The following BID variants were observed in gnomAD, a reference collection of about 807,000 sequenced individuals.
BID encodes BH3-interacting domain death agonist.
A neutral mutation model predicts 17.4 loss-of-function variants in BID; 19 were observed. The observed-to-expected ratio is 1.09, with a 90% CI of 0.76 to 1.60. BID has a LOEUF of 1.60. Among genes scored for constraint, BID ranks in the 40% most tolerant of loss-of-function variants. The pLI, the probability that BID is intolerant of heterozygous loss-of-function variation, is 0.00. For missense variants in BID, 226 were observed against 256.0 expected (o/e 0.88, Z 0.80); for synonymous variants, 108 against 102.8 (o/e 1.05, Z -0.31).
In BID at chr22:17,745,890, C is replaced by T. The variant is rs530049473; in HGVS notation, c.13-1877G>A. On this transcript the variant is annotated intron_variant, in intron 2 of 5. Coordinates refer to ENST00000622694, the MANE Select transcript of BID (RefSeq NM_001196.4). The stretch of plus-strand genomic sequence containing the variant: ...CTGAGGCAGGAGAATCGCTTGAACC[C>T]GGGAGGTGGAGGTTGCAATGAGCCG... Among the ~76,000 whole-genome samples the T allele has an allele frequency of 1.0e-3, 155 of 152,042 alleles. 1 individual carries two copies. The highest frequency in any genetic ancestry group is 3.4e-3 in the African/African-American group (142 of 41,456).
intron 1 of BID, among the ~76,000 whole-genome samples, chr22:17,763,463 C>G (rs1373708059): frequency 6.6e-6 from 1 of 152,136 alleles, no homozygotes; most frequent in Non-Finnish European, 1.5e-5. Flanking sequence ...AAGCTGGTCT[C>G]GAACTTCTGA....
At chr22:17,760,442 ACT>A (rs1391002724) in intron 1 of BID, among the ~76,000 whole-genome samples, 2 of 125,672 alleles carry the variant, frequency 1.6e-5, no homozygotes, top group African/African-American at 3.3e-5. Flanking sequence ...ACAGAGCAAG[ACT>A]CTGTCTCAAA....
chr22:17,740,250 T>C lies in BID; in HGVS notation c.224-762A>G, dbSNP rs911320212. ...TGTCCACTGACAAATACCCAGCACT[T>C]AATACATGGCACTCAGTAGGTGCTC... On this transcript the variant is annotated intron_variant, in intron 3 of 5. Coordinates refer to ENST00000622694, the MANE Select transcript of BID (RefSeq NM_001196.4). 9 of 1,342,400 alleles carry C rather than the reference T, an allele frequency of 6.7e-6. No homozygotes were observed. In the Admixed American group the frequency reaches 1.7e-4, roughly 26 times the overall value. The allele number at this position is 1,342,400 out of a possible 1,614,324, so 83.2% of individuals were successfully genotyped here.
rs1211762985 is a variant in BID, at chr22:17,734,794, C to T, written c.*786G>A. 1 of 152,198 alleles carries T rather than the reference C, an allele frequency of 6.6e-6. No homozygotes were observed. Among genetic ancestry groups the T allele is most frequent in the Non-Finnish European group, 1.5e-5 (1 of 68,042 alleles). The allele number at this position is 152,198 out of a possible 1,614,324, so 9.4% of individuals were successfully genotyped here. A position where few individuals can be genotyped will look rare whatever the true frequency, so the allele number is the denominator to read the frequency against. On this transcript the variant is annotated 3_prime_UTR_variant, in exon 6 of 6. Transcript: ENST00000622694. ...GGCACCCGTGGCTTCATGTCTTTAG[C>T]AAAGTCTTGATGTCATGGAAAGAGA...
At chr22:17,756,451 CTTTCTTTCTTTCTTTCTTTCTTTCT>C (rs1569047723) in intron 1 of BID, among the ~76,000 whole-genome samples, 18 of 123,388 alleles carry the variant, frequency 1.5e-4, no homozygotes, top group African/African-American at 6.4e-4. Flanking sequence ...TTCTTTCTTT[CTTTCTTTCTTTCTTTCTTTCTTTCT>C]TTTCTTTCTT....
chr22:17,748,750 G>A (rs979098109), intron 2 of BID, among the ~76,000 whole-genome samples: 1 of 152,190 alleles, frequency 6.6e-6, no homozygotes, highest in Admixed American at 6.5e-5. Context: ...CGGGAGGGCA[G>A]GCGCCTCCTC....
At chr22:17,736,351 G>C (rs919065741) in intron 5 of BID, among the ~76,000 whole-genome samples, 1 of 151,930 alleles carries the variant, frequency 6.6e-6, no homozygotes, top group Non-Finnish European at 1.5e-5. Context: ...CAGCTTCTTG[G>C]GGGGCTGAGG....
chr22:17,766,723 G>C (rs1402734492), intron 1 of BID, among the ~76,000 whole-genome samples: 1 of 151,910 alleles, frequency 6.6e-6, no homozygotes, highest in Non-Finnish European at 1.5e-5. Context: ...CCAAGTAGTT[G>C]GGAGTATAGG....
At position 17,773,682 on chromosome 22, in the gene BID, C is replaced by G. The variant is rs1569057089; in HGVS notation, c.-59+699G>C. On this transcript the variant is annotated intron_variant, in intron 1 of 5. Coordinates refer to ENST00000622694, the MANE Select transcript of BID (RefSeq NM_001196.4). The surrounding 1 kb of genome is among the most constrained non-coding windows in gnomAD (Gnocchi z 4.4). ...CCGAGCCATCATGACCCCAGCACCG[C>G]TGCACATTCGTATTTGTTGAATGAA... 9 of 1,610,314 alleles carry G rather than the reference C, an allele frequency of 5.6e-6. No individual in the cohort carries two copies. The highest frequency in any genetic ancestry group is 7.6e-6 in the Non-Finnish European group (9 of 1,179,938).
At chr22:17,772,349 C>T (rs8190281) in intron 1 of BID, among the ~76,000 whole-genome samples, 132 of 152,352 alleles carry the variant, frequency 8.7e-4, no homozygotes, top group African/African-American at 3.1e-3. Context: ...CAGGGGCAGA[C>T]GCCCAGCTGC....
intron 3 of BID, chr22:17,740,259 G>T: frequency 2.5e-6 from 3 of 1,219,176 alleles, no homozygotes. Flanking sequence ...TTAATACATG[G>T]CACTCAGTAG....
At chr22:17,745,912 G>A (rs2061492162) in intron 2 of BID, among the ~76,000 whole-genome samples, 1 of 152,100 alleles carries the variant, frequency 6.6e-6, no homozygotes, top group Admixed American at 6.6e-5. Flanking sequence ...GTTGCAATGA[G>A]CCGAGATCGC....
At position 17,762,938 on chromosome 22, in the gene BID, G is replaced by A. The variant is rs148665018; in HGVS notation, c.-59+11443C>T. On this transcript the variant is annotated intron_variant, in intron 1 of 5. Coordinates refer to ENST00000622694, the MANE Select transcript of BID (RefSeq NM_001196.4). ...GTCACCCAGGCTGGAGTGCAATGGC[G>A]TGATCTTGCCTCATTACATCCTCCG... is the stretch of plus-strand genomic sequence containing the variant. Among the ~76,000 whole-genome samples, 1,377 of 150,630 alleles carry A rather than the reference G, an allele frequency of 9.1e-3. 18 individuals are homozygous for A. The highest frequency in any genetic ancestry group is 0.032 in the African/African-American group (1,323 of 40,986).
rs189096838 is a variant in BID, at chr22:17,738,256, G to A, written c.364-27C>T. ...TGCACAGAGGGGCACACAGAACCTG[G>A]TTTACTAATACTCTTCCCTCTCAAA... On this transcript the variant is annotated intron_variant, in intron 4 of 5. Transcript: ENST00000622694. 4 of 1,595,476 alleles carry A rather than the reference G, an allele frequency of 2.5e-6. No homozygotes were observed. In the Admixed American group the frequency reaches 6.7e-5, roughly 27 times the overall value.
Position 17,738,088 on chromosome 22 carries a change from C to T in BID, c.505G>A (p.Asp169Asn), listed in dbSNP as rs752404269. ...VASHTPSLLR[D>N]VFHTTVNFIN... ...AAATTCACTGTTGTGTGAAAGACAT[C>T]ACGGAGCAAGGACGGCGTGTGACTG... The change falls in exon 5 of 6, where the codon GAT becomes AAT. Residue 169 changes from aspartate (D) to asparagine (N), a missense_variant. Physicochemically the swap from Asp to Asn is conservative, Grantham distance 23 (BLOSUM62 1). Transcript: ENST00000622694. 2 of 1,614,194 alleles carry T rather than the reference C, an allele frequency of 1.2e-6. No individual in the cohort carries two copies. The highest frequency in any genetic ancestry group is 3.3e-5 in the Admixed American group (2 of 60,030).
At chr22:17,747,862 G>C (rs1443529498) in intron 2 of BID, among the ~76,000 whole-genome samples, 1 of 151,396 alleles carries the variant, frequency 6.6e-6, no homozygotes, top group Non-Finnish European at 1.5e-5. Flanking sequence ...CGGATCATGA[G>C]GTCAAGAGGT....
intron 2 of BID, 44 bp downstream of exon 2, chr22:17,750,061 A>G: frequency 1.9e-6 from 3 of 1,592,612 alleles, no homozygotes; most frequent in Non-Finnish European, 2.6e-6. Flanking sequence ...TTACCCCTCG[A>G]CCCCGCCCCC....
chr22:17,764,827 G>C (rs2061666991), intron 1 of BID, among the ~76,000 whole-genome samples: 1 of 152,164 alleles, frequency 6.6e-6, no homozygotes, highest in Non-Finnish European at 1.5e-5. Context: ...AACCCATGGG[G>C]AATGGAACTT....
intron 3 of BID, chr22:17,740,070 CT>C: frequency 6.2e-7 from 1 of 1,610,556 alleles, no homozygotes; most frequent in Non-Finnish European, 8.5e-7. Flanking sequence ...CGTGCTGCCC[CT>C]GCCCGAGTAC....
Sources: gnomAD v4.1 joint callset for allele counts (sites outside exome capture counted in the v4.1 genomes callset) on GRCh38, gnomAD v4.1.1 for gene constraint, Gnocchi (gnomAD v3.1) non-coding constraint, MANE v1.5 for transcripts, NCBI Gene and HGNC (gene_info 2026-07-23, HGNC 2026-07-21) for gene names.